The following RPS6KC1 variants were observed in gnomAD, a reference collection of about 807,000 sequenced individuals.
The protein encoded by RPS6KC1 is inactive ribosomal protein S6 kinase delta-1.
RPS6KC1 carries 54 observed loss-of-function variants against 103.8 expected under a neutral mutation model. That is an observed-to-expected ratio of 0.52 (90% CI 0.42 to 0.65). The LOEUF is 0.65. Among genes scored for constraint, RPS6KC1 ranks in the 30% least tolerant of loss-of-function variants. RPS6KC1 has a pLI of 0.00. For synonymous variants in RPS6KC1, 439 were observed against 438.7 expected (o/e 1.00, Z -0.01); for missense variants, 1,151 against 1,253.8 (o/e 0.92, Z 1.24).
chr1:213,150,887 T>C (rs1474443232), intron 6 of RPS6KC1, among the ~76,000 whole-genome samples: 12 of 147,022 alleles, frequency 8.2e-5, no homozygotes, highest in South Asian at 2.2e-4. Flanking sequence ...CCAGTAGGGG[T>C]GGCCGGGCAG....
chr1:213,214,925 GA>G (rs373665439), intron 8 of RPS6KC1, among the ~76,000 whole-genome samples: 3 of 152,048 alleles, frequency 2.0e-5, no homozygotes, highest in African/African-American at 4.8e-5. Flanking sequence ...CAAAGATGGG[GA>G]AAAAACAGAA....
intron 6 of RPS6KC1, among the ~76,000 whole-genome samples, chr1:213,162,401 C>T (rs983912611): frequency 1.3e-5 from 2 of 152,038 alleles, no homozygotes; most frequent in Non-Finnish European, 2.9e-5. Flanking sequence ...CCATCTCAGC[C>T]TCCCCAGTAG....
chr1:213,069,314 A>T (rs2148447598), intron 1 of RPS6KC1, among the ~76,000 whole-genome samples: 1 of 152,312 alleles, frequency 6.6e-6, no homozygotes, highest in Admixed American at 6.5e-5. Flanking sequence ...AGAGTGCAAG[A>T]TATTTGTTCT....
chr1:213,197,874 C>T (rs1014219996), intron 8 of RPS6KC1, among the ~76,000 whole-genome samples: 1 of 152,112 alleles, frequency 6.6e-6, no homozygotes, highest in Admixed American at 6.5e-5. Context: ...TTGAAGACAA[C>T]AGATACTTGG....
At chr1:213,832,495 C>G in the RPS6KC1 span, 1 of 152,204 alleles carries the variant, frequency 6.6e-6, no homozygotes, top group African/African-American at 2.4e-5. Flanking sequence ...TGCTGTTGTA[C>G]CACTGAGTTG....
At chr1:213,789,300 C>T in the RPS6KC1 span, among the ~76,000 whole-genome samples, 3 of 152,060 alleles carry the variant, frequency 2.0e-5, no homozygotes, top group Non-Finnish European at 4.4e-5. Context: ...ACTCCGGCAC[C>T]TTGGATACTT....
chr1:213,796,449 C>T, the RPS6KC1 span, among the ~76,000 whole-genome samples: 6 of 152,122 alleles, frequency 3.9e-5, no homozygotes, highest in Non-Finnish European at 8.8e-5. Context: ...TTCAGAGAGG[C>T]GTTTTGTATT....
chr1:213,844,334 C>G, the RPS6KC1 span, among the ~76,000 whole-genome samples: 16 of 152,142 alleles, frequency 1.1e-4, no homozygotes, highest in African/African-American at 3.9e-4. Flanking sequence ...AATTTGTGAA[C>G]ATTATGAGGC....
the RPS6KC1 span, among the ~76,000 whole-genome samples, chr1:213,334,845 G>GAT: frequency 2.6e-5 from 4 of 151,978 alleles, no homozygotes; most frequent in East Asian, 1.9e-4. Flanking sequence ...TCTATCTAGA[G>GAT]ATATATATAT....
chr1:213,300,757 G>T, the RPS6KC1 span, among the ~76,000 whole-genome samples: 2 of 152,182 alleles, frequency 1.3e-5, no homozygotes, highest in East Asian at 3.8e-4. Context: ...TATAAACCCC[G>T]CTGTCAGTGT....
chr1:213,213,286 G>A (rs1288154142), intron 8 of RPS6KC1, among the ~76,000 whole-genome samples: 1 of 152,126 alleles, frequency 6.6e-6, no homozygotes, highest in Admixed American at 6.5e-5. Context: ...TTTTGCATGT[G>A]GCTGTCTAGC....
chr1:213,823,437 C>T, the RPS6KC1 span, among the ~76,000 whole-genome samples: 6 of 152,186 alleles, frequency 3.9e-5, no homozygotes, highest in African/African-American at 1.2e-4. Flanking sequence ...GCCAGGCCCC[C>T]AGCTCTGTAT....
chr1:213,303,589 G>C, the RPS6KC1 span, among the ~76,000 whole-genome samples: 1 of 152,084 alleles, frequency 6.6e-6, no homozygotes, highest in African/African-American at 2.4e-5. Context: ...TACCCTGGCT[G>C]TGTTTCTCCT....
chr1:213,101,346 T>C (rs573480486), intron 3 of RPS6KC1, among the ~76,000 whole-genome samples: 1 of 152,344 alleles, frequency 6.6e-6, no homozygotes, highest in South Asian at 2.1e-4. Flanking sequence ...TTTGTTCTGA[T>C]AATAGGATTC....
chr1:213,251,560 G>C (rs1200667857), intron 12 of RPS6KC1, among the ~76,000 whole-genome samples: 1 of 152,182 alleles, frequency 6.6e-6, no homozygotes, highest in Non-Finnish European at 1.5e-5. Context: ...GAATAGTGCA[G>C]TCAGCTGACT....
In RPS6KC1 at chr1:213,166,211, T is replaced by C. The variant is rs534273486; in HGVS notation, c.836-1647T>C. Among the ~76,000 whole-genome samples, 5 of 152,252 alleles carry C rather than the reference T, an allele frequency of 3.3e-5. No homozygotes were observed. The East Asian group carries it at 9.6e-4, about 29-fold the overall frequency. The stretch of plus-strand genomic sequence containing the variant: ...AAGTAAATTGCCATAGTTTTTATTA[T>C]ATTTGAGCCTAAGGTGAATCAAAAA... On this transcript the variant is annotated intron_variant, in intron 6 of 14. Transcript: ENST00000366960.
intron 6 of RPS6KC1, among the ~76,000 whole-genome samples, chr1:213,154,800 C>T (rs1190890483): frequency 1.3e-5 from 2 of 152,298 alleles, no homozygotes; most frequent in South Asian, 4.1e-4. Flanking sequence ...TTACTTTTCC[C>T]TCTGCTTTTC....
the RPS6KC1 span, among the ~76,000 whole-genome samples, chr1:213,829,450 T>C: frequency 3.9e-5 from 6 of 152,140 alleles, no homozygotes; most frequent in African/African-American, 1.4e-4. Flanking sequence ...ATGAGAAATA[T>C]GAGCCTGGGT....
the RPS6KC1 span, among the ~76,000 whole-genome samples, chr1:213,396,612 CCT>C: frequency 3.0e-4 from 45 of 152,282 alleles, no homozygotes; most frequent in East Asian, 8.3e-3. Flanking sequence ...TGTGGTGGAG[CCT>C]GTTACCTCGA....
Sources: allele counts gnomAD v4.1 joint callset (sites outside exome capture counted in the v4.1 genomes callset), GRCh38; gene constraint gnomAD v4.1.1; transcripts MANE v1.5; gene names NCBI Gene and HGNC (gene_info 2026-07-23, HGNC 2026-07-21).